The following LHFPL3 variants were observed in gnomAD, a reference collection of about 807,000 sequenced individuals.
LHFPL3 encodes the protein LHFPL tetraspan subfamily member 3.
LHFPL3 carries 5 observed loss-of-function variants against 19.3 expected under a neutral mutation model. The observed-to-expected ratio is 0.26, with a 90% confidence interval of 0.14 to 0.54. The LOEUF (loss-of-function observed/expected upper bound fraction) is 0.54. LHFPL3 is among the 20% of genes least tolerant of loss of function. The pLI, the probability that LHFPL3 is intolerant of heterozygous loss-of-function variation, is 0.94. For synonymous variants in LHFPL3, 133 were observed against 126.2 expected (o/e 1.05, Z -0.36); for missense variants, 249 against 307.4 (o/e 0.81, Z 1.42).
intron 1 of LHFPL3, among the ~76,000 whole-genome samples, chr7:104,556,970 C>T (rs1789850304): frequency 6.6e-6 from 1 of 152,198 alleles, no homozygotes; most frequent in African/African-American, 2.4e-5. Flanking sequence ...GCAAGAGCCA[C>T]CTTTGCTCCA....
In LHFPL3 at chr7:104,579,722, A is replaced by T. The variant is rs1298318041; in HGVS notation, c.446-156953A>T. The stretch of plus-strand genomic sequence containing the variant: ...TACACAAGCTGAGATTGGAACTCTA[A>T]TGAGAAAACTGAGCCCAACCCATAA... On this transcript the variant is annotated intron_variant, in intron 1 of 2. Coordinates refer to ENST00000424859, the MANE Select transcript of LHFPL3 (RefSeq NM_199000.3). 3.3e-5 allele frequency among the ~76,000 whole-genome samples: 5 copies of T among 152,194 alleles called. No individual in the cohort carries two copies. The East Asian group carries it at 9.6e-4, about 29-fold the overall frequency.
At chr7:104,851,549 T>C (rs546793765) in intron 2 of LHFPL3, among the ~76,000 whole-genome samples, 6 of 152,332 alleles carry the variant, frequency 3.9e-5, no homozygotes, top group Non-Finnish European at 7.4e-5. Context: ...GGCCAACGCA[T>C]TGGTCACCCT....
intron 1 of LHFPL3, among the ~76,000 whole-genome samples, chr7:104,602,020 C>CTTCTTTT: frequency 1.1e-5 from 1 of 91,462 alleles, no homozygotes; most frequent in East Asian, 3.6e-4. Flanking sequence ...TTTTTCTTTT[C>CTTCTTTT]TTTTTTTTTT....
rs78701814 is a variant in LHFPL3 at position 104,418,883 on chromosome 7, C to T, written c.445+89659C>T. On this transcript the variant is annotated intron_variant, in intron 1 of 2. Transcript: ENST00000424859. ...TGAATCCTTCTGCTGTGTCAGGCAC[C>T]GTGCTAAGCCTGCACTGCACATGTG... 8.7e-3 allele frequency among the ~76,000 whole-genome samples: 1,321 copies of T among 152,260 alleles called. 78 individuals carry two copies. The East Asian group carries it at 0.16, about 19-fold the overall frequency.
At chr7:104,332,625 G>T (rs1801592165) in intron 1 of LHFPL3, among the ~76,000 whole-genome samples, 1 of 152,088 alleles carries the variant, frequency 6.6e-6, no homozygotes, top group South Asian at 2.1e-4. Flanking sequence ...TCTGAACGAT[G>T]AACCAGAAAA....
intron 2 of LHFPL3, among the ~76,000 whole-genome samples, chr7:104,819,553 AAAAAAC>A (rs1193819187): frequency 2.6e-5 from 4 of 152,236 alleles, no homozygotes; most frequent in South Asian, 2.1e-4. Context: ...TCTCTCATTT[AAAAAAC>A]AAAAACAAAA....
chr7:104,406,447 A>G (rs899888274), intron 1 of LHFPL3, among the ~76,000 whole-genome samples: 5 of 151,416 alleles, frequency 3.3e-5, no homozygotes, highest in Admixed American at 2.6e-4. Context: ...GTGCCAGGAA[A>G]TTAATATATT....
intron 1 of LHFPL3, among the ~76,000 whole-genome samples, chr7:104,636,344 G>A (rs1235963978): frequency 6.6e-6 from 1 of 152,082 alleles, no homozygotes; most frequent in East Asian, 1.9e-4. Flanking sequence ...AGGAATGGGA[G>A]AACAATGAAA....
chr7:104,752,134 A>T (rs1794186796), intron 2 of LHFPL3, among the ~76,000 whole-genome samples: 1 of 152,096 alleles, frequency 6.6e-6, no homozygotes, highest in South Asian at 2.1e-4. Flanking sequence ...CTGGAAGAGG[A>T]CTTGTGCCTC....
intron 1 of LHFPL3, among the ~76,000 whole-genome samples, chr7:104,622,015 C>G (rs1791455009): frequency 6.6e-6 from 1 of 152,174 alleles, no homozygotes; most frequent in Non-Finnish European, 1.5e-5. Flanking sequence ...CCCCTGATTT[C>G]TACTTAATAT....
At chr7:104,547,386 G>A (rs1794595308) in intron 1 of LHFPL3, among the ~76,000 whole-genome samples, 1 of 151,794 alleles carries the variant, frequency 6.6e-6, no homozygotes, top group South Asian at 2.1e-4. Flanking sequence ...CAAAACACTC[G>A]AGGGGTAGAG....
At position 104,441,686 on chromosome 7, in the gene LHFPL3, C is replaced by T. The variant is rs112964877; in HGVS notation, c.445+112462C>T. On this transcript the variant is annotated intron_variant, in intron 1 of 2. Coordinates refer to ENST00000424859, the MANE Select transcript of LHFPL3 (RefSeq NM_199000.3). ...CACCTCCTGGGTTCAAGTGATTCTC[C>T]GGCCTCAGCCTTCCAAGTAGCTGGG... Among the ~76,000 whole-genome samples the T allele has an allele frequency of 5.5e-3, 843 of 152,270 alleles. 8 individuals carry two copies. Among genetic ancestry groups the T allele is most frequent in the African/African-American group, 0.019 (789 of 41,546 alleles).
chr7:104,569,157 A>T (rs560599559), intron 1 of LHFPL3, among the ~76,000 whole-genome samples: 10 of 152,290 alleles, frequency 6.6e-5, no homozygotes, highest in African/African-American at 2.4e-4. Flanking sequence ...TTGGAAAGTG[A>T]AATCTTCCTA....
At chr7:104,453,118 G>A (rs1174335312) in intron 1 of LHFPL3, among the ~76,000 whole-genome samples, 1 of 152,010 alleles carries the variant, frequency 6.6e-6, no homozygotes, top group Non-Finnish European at 1.5e-5. Context: ...AAGTTGGCTG[G>A]TTCTTGATCT....
intron 1 of LHFPL3, among the ~76,000 whole-genome samples, chr7:104,722,250 G>T (rs1793503053): frequency 6.6e-6 from 1 of 152,110 alleles, no homozygotes; most frequent in African/African-American, 2.4e-5. Flanking sequence ...AGCTGATACC[G>T]CACAATGTGT....
chr7:104,743,816 C>G (rs1793985004), intron 2 of LHFPL3, among the ~76,000 whole-genome samples: 2 of 152,100 alleles, frequency 1.3e-5, no homozygotes, highest in African/African-American at 4.8e-5. Flanking sequence ...TTGTTTTACA[C>G]AGTATCATGT....
At chr7:104,339,662 CAAGG>C (rs1204589660) in intron 1 of LHFPL3, among the ~76,000 whole-genome samples, 1 of 152,224 alleles carries the variant, frequency 6.6e-6, no homozygotes, top group Non-Finnish European at 1.5e-5. Context: ...TATCATCATG[CAAGG>C]AAGGAGCTGC....
intron 1 of LHFPL3, among the ~76,000 whole-genome samples, chr7:104,731,578 C>T (rs2116282932): frequency 6.6e-6 from 1 of 151,894 alleles, no homozygotes; most frequent in East Asian, 1.9e-4. Flanking sequence ...GATTTTGTAT[C>T]CTGAGACTTT....
At chr7:104,418,726 C>T (rs1345747993) in intron 1 of LHFPL3, among the ~76,000 whole-genome samples, 1 of 152,176 alleles carries the variant, frequency 6.6e-6, no homozygotes. Context: ...GGTCAGGTTT[C>T]ATCTCAGCCT....
Sources: gnomAD v4.1 joint callset for allele counts (sites outside exome capture counted in the v4.1 genomes callset) on GRCh38, gnomAD v4.1.1 for gene constraint, MANE v1.5 for transcripts, NCBI Gene and HGNC (gene_info 2026-07-23, HGNC 2026-07-21) for gene names.